Variants in PUDP observed in about 807,000 individuals in gnomAD.
PUDP encodes pseudouridine 5'-phosphatase.
PUDP carries 8 observed loss-of-function variants against 9.4 expected under a neutral mutation model. The ratio of observed to expected loss-of-function variants is 0.85; its 90% CI spans 0.50 to 1.53. The LOEUF (loss-of-function observed/expected upper bound fraction) is 1.53, where lower values mean the gene tolerates loss of function less well. PUDP is among the 40% of genes most tolerant of loss of function. The probability of loss-of-function intolerance (pLI) is 0.00; values close to 1 mark genes in which losing one functional copy is unlikely to be tolerated. For missense variants in PUDP, 188 were observed against 189.7 expected (o/e 0.99, Z 0.05); for synonymous variants, 99 against 80.7 (o/e 1.23, Z -1.22).
intron 2 of PUDP, among the ~76,000 whole-genome samples, chrX:7,083,290 A>G (rs1339927219): frequency 1.8e-5 from 2 of 112,083 alleles, no homozygotes; most frequent in East Asian, 5.6e-4. Flanking sequence ...GTGGAAGAAG[A>G]CTCAAACAGG....
chrX:6,914,891 CTTTT>C (rs917443654), intron 3 of PUDP, among the ~76,000 whole-genome samples: 1 of 111,266 alleles, frequency 9.0e-6, no homozygotes. Flanking sequence ...TAGAAGGAAT[CTTTT>C]TTTTTCTTGT....
At chrX:6,783,290 T>C (rs867792014) in intron 3 of PUDP, among the ~76,000 whole-genome samples, 23 of 112,140 alleles carry the variant, frequency 2.1e-4, no homozygotes, top group African/African-American at 7.1e-4. Flanking sequence ...ATCTTTTTTT[T>C]ATTTTATGTA....
intron 1 of PUDP, among the ~76,000 whole-genome samples, chrX:7,126,516 G>A (rs994849064): frequency 1.8e-5 from 2 of 111,992 alleles, no homozygotes; most frequent in African/African-American, 6.5e-5. Flanking sequence ...CAATTCTGGA[G>A]GCTGGAAGTC....
chrX:6,836,738 A>G (rs924887033), intron 3 of PUDP, among the ~76,000 whole-genome samples: 1 of 107,668 alleles, frequency 9.3e-6, no homozygotes, highest in African/African-American at 3.5e-5. Flanking sequence ...TTTAATCACA[A>G]TTACAAAGTT....
At chrX:6,784,138 A>T (rs955681154) in intron 3 of PUDP, among the ~76,000 whole-genome samples, 2 of 111,708 alleles carry the variant, frequency 1.8e-5, no homozygotes, top group Admixed American at 9.5e-5. Context: ...AGTCAAGTTA[A>T]CACATAAAAC....
intron 3 of PUDP, among the ~76,000 whole-genome samples, chrX:6,782,209 C>T (rs1436036186): frequency 9.0e-6 from 1 of 111,038 alleles, no homozygotes; most frequent in Non-Finnish European, 1.9e-5. Flanking sequence ...AGTTGATTCT[C>T]CCTTTTCCTT....
rs566575434 is a variant in PUDP at position 7,002,163 on chromosome X, C to G, written c.205-23820G>C. ...AATAAAGAAAATACCTGAATGAAGACTTTGTAAAAGAGGAAACACAAAATC... is the reference window on the plus strand; with the variant it reads ...AATAAAGAAAATACCTGAATGAAGAGTTTGTAAAAGAGGAAACACAAAATC... On this transcript the variant is annotated intron_variant and NMD_transcript_variant, in intron 1 of 3. Coordinates refer to the PUDP transcript ENST00000655425. Among the ~76,000 whole-genome samples, 4 of 111,385 alleles carry G rather than the reference C, an allele frequency of 3.6e-5. No homozygotes were observed. In the East Asian group the frequency reaches 1.1e-3, roughly 31 times the overall value.
At chrX:6,960,563 T>C (rs1338480815) in intron 3 of PUDP, among the ~76,000 whole-genome samples, 1 of 112,207 alleles carries the variant, frequency 8.9e-6, no homozygotes, top group Admixed American at 9.5e-5. Flanking sequence ...CCAATACATT[T>C]CTGTTCTTTA....
intron 3 of PUDP, among the ~76,000 whole-genome samples, chrX:6,911,474 G>C (rs759925973): frequency 1.8e-5 from 2 of 111,703 alleles, no homozygotes; most frequent in African/African-American, 6.5e-5. Flanking sequence ...GATTACAGGC[G>C]TGAGCCACCG....
intron 3 of PUDP, among the ~76,000 whole-genome samples, chrX:6,753,591 C>A (rs377757777): frequency 3.6e-5 from 4 of 112,170 alleles, no homozygotes; most frequent in African/African-American, 1.3e-4. Flanking sequence ...TTCCCACCAG[C>A]AGTGTGGAAG....
chrX:6,874,763 CT>C (rs1927227352), intron 3 of PUDP, among the ~76,000 whole-genome samples: 2 of 112,328 alleles, frequency 1.8e-5, no homozygotes, highest in Non-Finnish European at 3.8e-5. Flanking sequence ...AATAAATATA[CT>C]GTTACTATTG....
chrX:6,815,964 TTATA>T (rs1432472121), intron 3 of PUDP, among the ~76,000 whole-genome samples: 1 of 106,910 alleles, frequency 9.4e-6, no homozygotes, highest in East Asian at 2.9e-4. Context: ...ACACACTATA[TTATA>T]TATAGTATAT....
At chrX:7,081,692 A>G (rs1012691877) in intron 2 of PUDP, among the ~76,000 whole-genome samples, 2 of 113,096 alleles carry the variant, frequency 1.8e-5, no homozygotes, top group Non-Finnish European at 3.7e-5. Context: ...GACTATGACC[A>G]CAGTCAGAGA....
Position 6,793,676 on chromosome X carries a change from G to C in PUDP, c.*248-87210C>G, listed in dbSNP as rs368155177. Among the ~76,000 whole-genome samples, 110 of 111,378 alleles carry C rather than the reference G, an allele frequency of 9.9e-4. 2 individuals carry two copies. Among genetic ancestry groups the C allele is most frequent in the Middle Eastern group, 9.2e-3 (2 of 217 alleles). On this transcript the variant is annotated intron_variant and NMD_transcript_variant, in intron 3 of 3. Transcript: ENST00000655425. ...CTTGGAAGGACCACCATCTACAGTA[G>C]AGGCAGCTTGCTGCTTGGATGCCCA...
upstream of PUDP, among the ~76,000 whole-genome samples, chrX:6,723,106 TTAAAA>T (rs1924692441): frequency 9.1e-6 from 1 of 109,636 alleles, no homozygotes. Context: ...TTGTTTGCAG[TTAAAA>T]TAAAAACCAC....
chrX:6,829,690 G>A (rs1334483179), intron 3 of PUDP, among the ~76,000 whole-genome samples: 2 of 111,841 alleles, frequency 1.8e-5, no homozygotes, highest in East Asian at 5.6e-4. Flanking sequence ...TTGGTGAGGT[G>A]TCTGTTATGA....
chrX:6,932,415 T>C (rs905443548), intron 3 of PUDP, among the ~76,000 whole-genome samples: 1 of 111,884 alleles, frequency 8.9e-6, no homozygotes, highest in African/African-American at 3.2e-5. Context: ...TGAAAGTGCA[T>C]AGCTCATCCA....
At chrX:7,037,812 T>C (rs1394748329) in intron 1 of PUDP, among the ~76,000 whole-genome samples, 1 of 111,696 alleles carries the variant, frequency 9.0e-6, no homozygotes, top group African/African-American at 3.3e-5. Flanking sequence ...TTCCAATGAA[T>C]CTCATGGGGT....
Position 7,081,279 on chromosome X carries a change from G to A in PUDP, c.281-3830C>T, listed in dbSNP as rs61110445. 2.1e-4 allele frequency among the ~76,000 whole-genome samples: 23 copies of A among 111,363 alleles called. No homozygotes were observed. The East Asian group carries it at 6.2e-3, about 30-fold the overall frequency. Reference sequence around the variant, plus strand: ...AACGATTCTCCAGCCTCAGCCTCCCGAATAGCTGGGACTACAGGTGCATGT... The same window carrying A: ...AACGATTCTCCAGCCTCAGCCTCCCAAATAGCTGGGACTACAGGTGCATGT... On this transcript the variant is annotated intron_variant, in intron 2 of 3. Coordinates refer to ENST00000381077, the MANE Select transcript of PUDP (RefSeq NM_012080.5).
Sources: allele counts gnomAD v4.1 joint callset (sites outside exome capture counted in the v4.1 genomes callset), GRCh38; gene constraint gnomAD v4.1.1; transcripts MANE v1.5; gene names NCBI Gene and HGNC (gene_info 2026-07-23, HGNC 2026-07-21).